Variants in TLL1 observed in about 807,000 individuals in gnomAD.
The protein encoded by TLL1 is tolloid-like protein 1.
Under a neutral mutation model 128.2 loss-of-function variants are expected in TLL1, and 49 were observed. The ratio of observed to expected loss-of-function variants is 0.38; its 90% CI spans 0.30 to 0.48. The LOEUF is 0.48. Among genes scored for constraint, TLL1 ranks in the 20% least tolerant of loss-of-function variants. The pLI is 0.96. For synonymous variants in TLL1, 454 were observed against 418.8 expected, an observed-to-expected ratio of 1.08 and a Z score of -1.03; for missense variants, 1,123 against 1,242.0, an observed-to-expected ratio of 0.90 and a Z score of 1.44.
intron 1 of TLL1, among the ~76,000 whole-genome samples, chr4:165,952,487 G>T (rs1734573802): frequency 6.6e-6 from 1 of 152,024 alleles, no homozygotes; most frequent in African/African-American, 2.4e-5. Flanking sequence ...AGGAAATAGT[G>T]GGTTTTAAAT....
chr4:166,055,419 A>G (rs1739958452), intron 13 of TLL1, 148 bp downstream of exon 13: 5 of 711,328 alleles, frequency 7.0e-6, no homozygotes, highest in Non-Finnish European at 1.2e-5. Flanking sequence ...AGAAAAGGTT[A>G]TTAATAAAAT....
At chr4:165,971,240 C>A (rs1234600428) in intron 1 of TLL1, among the ~76,000 whole-genome samples, 3 of 152,202 alleles carry the variant, frequency 2.0e-5, no homozygotes, top group Non-Finnish European at 4.4e-5. Context: ...CCAGTCCAGG[C>A]AGCTTAGCTA....
At chr4:166,076,725 C>T (rs969963345) in intron 17 of TLL1, among the ~76,000 whole-genome samples, 1 of 152,116 alleles carries the variant, frequency 6.6e-6, no homozygotes, top group African/African-American at 2.4e-5. Flanking sequence ...ATTTAGAAAA[C>T]CCTTGTCATG....
chr4:166,060,135 A>G lies in TLL1; in HGVS notation c.1954A>G (p.Thr652Ala), dbSNP rs1740236718. Residue 652 changes from threonine to alanine, a missense_variant, in exon 15 of 21, where the codon ACC becomes GCC. Transcript: ENST00000061240. ...KNCVWQVVAP[T>A]QYRISVKFEF... is the part of the protein sequence containing the mutation. Reference sequence around the variant, plus strand: ...CTGTGTGTGGCAAGTGGTTGCACCAACCCAGTACAGAATTTCTGTGAAGTT... The same window carrying G: ...CTGTGTGTGGCAAGTGGTTGCACCAGCCCAGTACAGAATTTCTGTGAAGTT... 1.2e-6 allele frequency: 2 copies of G among 1,613,820 alleles called. No homozygotes were observed. Among genetic ancestry groups the G allele is most frequent in the Non-Finnish European group, 1.7e-6 (2 of 1,179,888 alleles).
chr4:166,077,781 T>G (rs1022843318), intron 17 of TLL1, 122 bp from the exon 18 acceptor site: 48 of 1,345,782 alleles, frequency 3.6e-5, no homozygotes, highest in Non-Finnish European at 4.9e-5. Flanking sequence ...GACACGGGAG[T>G]GAAAATTAGC....
intron 1 of TLL1, among the ~76,000 whole-genome samples, chr4:165,900,306 G>C (rs962186367): frequency 1.3e-5 from 2 of 152,122 alleles, no homozygotes; most frequent in African/African-American, 4.8e-5. Context: ...TTGCCCATTA[G>C]TTGATACAGT....
chr4:165,983,563 T>G (rs1363281748), intron 1 of TLL1, among the ~76,000 whole-genome samples: 1 of 151,850 alleles, frequency 6.6e-6, no homozygotes, highest in Non-Finnish European at 1.5e-5. Flanking sequence ...TCTGTATCTG[T>G]ATATGTATAT....
At chr4:165,876,634 T>G (rs1190888515) in intron 1 of TLL1, among the ~76,000 whole-genome samples, 1 of 152,218 alleles carries the variant, frequency 6.6e-6, no homozygotes, top group Non-Finnish European at 1.5e-5. Context: ...TGGTAGAGTT[T>G]GTTACTCTTC....
At chr4:165,995,590 C>T (rs1203529540) in intron 5 of TLL1, among the ~76,000 whole-genome samples, 1 of 152,186 alleles carries the variant, frequency 6.6e-6, no homozygotes, top group Non-Finnish European at 1.5e-5. Flanking sequence ...TCATCTCACA[C>T]CTGGTCTGTT....
intron 14 of TLL1, among the ~76,000 whole-genome samples, chr4:166,057,698 G>A (rs1740095602): frequency 6.6e-6 from 1 of 152,178 alleles, no homozygotes; most frequent in South Asian, 2.1e-4. Context: ...GATAATGGGA[G>A]AAGACAAAAG....
intron 1 of TLL1, among the ~76,000 whole-genome samples, chr4:165,975,841 C>T (rs1735851455): frequency 6.6e-6 from 1 of 151,708 alleles, no homozygotes; most frequent in South Asian, 2.1e-4. Context: ...AGTTCGAGAC[C>T]AGCCTGGCCA....
At chr4:166,052,965 G>GTGTGTGTGTGTATATATATA in intron 12 of TLL1, among the ~76,000 whole-genome samples, 1 of 99,648 alleles carries the variant, frequency 1.0e-5, no homozygotes, top group African/African-American at 3.8e-5. Flanking sequence ...GAGGTTATGT[G>GTGTGTGTGTGTATATATATA]TATATATATA....
At chr4:165,913,203 A>C (rs1218004497) in intron 1 of TLL1, among the ~76,000 whole-genome samples, 9 of 152,204 alleles carry the variant, frequency 5.9e-5, no homozygotes, top group Admixed American at 5.9e-4. Context: ...TGTGAAAATG[A>C]AATTATTTAT....
intron 18 of TLL1, among the ~76,000 whole-genome samples, chr4:166,088,681 A>G (rs1741626853): frequency 5.3e-5 from 8 of 152,124 alleles, no homozygotes; most frequent in Admixed American, 5.2e-4. Context: ...AGTATATGTC[A>G]GCTATGGAAC....
chr4:165,934,290 C>T (rs79755391), intron 1 of TLL1, among the ~76,000 whole-genome samples: 2,755 of 151,204 alleles, frequency 0.018, 94 homozygotes, highest in African/African-American at 0.063. Flanking sequence ...GCTGGGATTA[C>T]GGGCATGAGC....
Position 166,065,742 on chromosome 4 carries a change from T to G in TLL1, c.2067T>G (p.His689Gln), listed in dbSNP as rs1433564427. Residue 689 changes from histidine (H) to glutamine (Q), a missense_variant, in exon 16 of 21, where the codon CAT becomes CAG. Physicochemically the swap from His to Gln is conservative, Grantham distance 24. Coordinates refer to ENST00000061240, the MANE Select transcript of TLL1 (RefSeq NM_012464.5). ...WSGLSSESKLHGKFCGAEVPE... is the reference protein window; with the variant it reads ...WSGLSSESKLQGKFCGAEVPE... ...GTCTTTCCTCTGAGTCTAAACTGCA[T>G]GGCAAATTCTGTGGCGCTGAAGTGC... The G allele has an allele frequency of 6.2e-7, 1 of 1,613,094 alleles. No individual in the cohort carries two copies. Among genetic ancestry groups the G allele is most frequent in the East Asian group, 2.2e-5 (1 of 44,830 alleles).
At chr4:165,915,523 T>C in intron 1 of TLL1, among the ~76,000 whole-genome samples, 1 of 152,156 alleles carries the variant, frequency 6.6e-6, no homozygotes, top group East Asian at 1.9e-4. Flanking sequence ...GTTCATATGA[T>C]TGAAGTTATT....
intron 6 of TLL1, among the ~76,000 whole-genome samples, chr4:166,004,914 A>C (rs1737344016): frequency 6.6e-6 from 1 of 151,860 alleles, no homozygotes; most frequent in Non-Finnish European, 1.5e-5. Context: ...TCATTTTCCC[A>C]GTCAGACTTA....
At chr4:166,039,259 T>A (rs1384636509) in intron 9 of TLL1, 80 bp from the exon 10 acceptor site, 2 of 936,646 alleles carry the variant, frequency 2.1e-6, no homozygotes, top group Non-Finnish European at 3.5e-6. Context: ...TAGACCAGGG[T>A]TCCTTACCTT....
Sources: allele counts gnomAD v4.1 joint callset (sites outside exome capture counted in the v4.1 genomes callset), GRCh38; gene constraint gnomAD v4.1.1; transcripts MANE v1.5; gene names NCBI Gene and HGNC (gene_info 2026-07-23, HGNC 2026-07-21).